DST: variants seen among roughly 807,000 people sequenced by gnomAD.
The protein encoded by DST is dystonin.
DST carries 253 observed loss-of-function variants against 875.2 expected under a neutral mutation model. That is an observed-to-expected ratio of 0.29 (90% CI 0.26 to 0.32). The LOEUF (loss-of-function observed/expected upper bound fraction) is 0.32. Among genes scored for constraint, DST ranks in the 10% least tolerant of loss-of-function variants. The pLI is 1.00. For missense variants in DST, 8,287 were observed against 9,111.6 expected, an observed-to-expected ratio of 0.91 and a Z score of 3.68; for synonymous variants, 3,124 against 3,197.1, an observed-to-expected ratio of 0.98 and a Z score of 0.77.
At chr6:56,808,119 C>T (rs918678292) in intron 4 of DST, among the ~76,000 whole-genome samples, 1 of 152,098 alleles carries the variant, frequency 6.6e-6, no homozygotes, top group East Asian at 1.9e-4. Flanking sequence ...GGGTGAGTCT[C>T]CCTGGGCTAA....
At chr6:56,465,367 T>C (rs928888708) in intron 99 of DST, among the ~76,000 whole-genome samples, 1 of 152,216 alleles carries the variant, frequency 6.6e-6, no homozygotes, top group African/African-American at 2.4e-5. Flanking sequence ...TTATTGTTTT[T>C]TTCTTGGGGG....
rs528372361 is a variant in DST, at chr6:56,620,660, C to A, written c.4929+3870G>T. 3.7e-6 allele frequency: 6 copies of A among 1,614,008 alleles called. No individual in the cohort carries two copies. In the African/African-American group the frequency reaches 5.3e-5, roughly 14 times the overall value. ...ATTCTCAAGCACTGTTGCCTTCTGA[C>A]GCTGAAGCAGATCTGAATATGCCCC... On this transcript the variant is annotated intron_variant, in intron 36 of 103. Transcript: ENST00000680361.
At chr6:56,574,417 T>TAC (rs1345006713) in intron 50 of DST, among the ~76,000 whole-genome samples, 2 of 152,186 alleles carry the variant, frequency 1.3e-5, no homozygotes, top group African/African-American at 4.8e-5. Context: ...GCTTTTGTCA[T>TAC]ACTTCACAAC....
chr6:56,461,021 AT>A (rs2094303017), intron 102 of DST: 3 of 152,230 alleles, frequency 2.0e-5, no homozygotes, highest in Admixed American at 6.5e-5. Context: ...GTTAAAAAAA[AT>A]AAACAAGTAT....
At chr6:56,472,377 G>A (rs2094940086) in intron 93 of DST, among the ~76,000 whole-genome samples, 155 bp from the exon 94 acceptor site, 1 of 152,108 alleles carries the variant, frequency 6.6e-6, no homozygotes, top group African/African-American at 2.4e-5. Flanking sequence ...TAATGTCAAG[G>A]CCCAAATCTG....
intron 53 of DST, among the ~76,000 whole-genome samples, chr6:56,570,488 A>G (rs527385387): frequency 5.4e-4 from 82 of 152,210 alleles, no homozygotes; most frequent in Non-Finnish European, 9.4e-4. Flanking sequence ...TGCAGTTCAC[A>G]ATAGGGTTCC....
chr6:56,605,920 G>A lies in DST; in HGVS notation c.8708C>T (p.Ala2903Val). The part of the protein sequence containing the change: ...SNLPEYTTEI[A>V]GKSKENLLNH... Reference sequence around the variant, plus strand: ...CAACAGATTTTCTTTGCTTTTTCCAGCAATCTCAGTTGTATATTCTGGAAG... The same window carrying A: ...CAACAGATTTTCTTTGCTTTTTCCAACAATCTCAGTTGTATATTCTGGAAG... The change falls in exon 40 of 104, where the codon GCT becomes GTT. Residue 2903 changes from alanine (A) to valine (V), a missense_variant. Coordinates refer to ENST00000680361, the MANE Select transcript of DST (RefSeq NM_001374736.1). 6.2e-7 allele frequency: 1 copy of A among 1,612,636 alleles called. No homozygotes were observed. Among genetic ancestry groups the A allele is most frequent in the East Asian group, 2.2e-5 (1 of 44,838 alleles).
At chr6:56,589,549 A>T (rs1392100408) in intron 49 of DST, among the ~76,000 whole-genome samples, 1 of 152,202 alleles carries the variant, frequency 6.6e-6, no homozygotes, top group Non-Finnish European at 1.5e-5. Context: ...CATTTGTACA[A>T]TTCATAAAAG....
At chr6:56,620,348 G>C (rs1296673109) in intron 36 of DST, 1 of 1,614,134 alleles carries the variant, frequency 6.2e-7, no homozygotes, top group South Asian at 1.1e-5. Flanking sequence ...TTCCACGGCA[G>C]CTCTTTTAGC....
intron 3 of DST, among the ~76,000 whole-genome samples, chr6:56,892,285 C>G (rs1438016099): frequency 6.6e-6 from 1 of 151,908 alleles, no homozygotes; most frequent in African/African-American, 2.4e-5. Flanking sequence ...ACTCCACTTC[C>G]CGGACCCAGC....
At chr6:56,497,356 G>A (rs375155736) in intron 82 of DST, 23 bp downstream of exon 82, 21 of 1,608,054 alleles carry the variant, frequency 1.3e-5, no homozygotes, top group Non-Finnish European at 1.4e-5. Flanking sequence ...TGAGGCTAAA[G>A]CTGTAGGAAA....
At chr6:56,692,743 T>C in intron 9 of DST, 1 of 1,289,716 alleles carries the variant, frequency 7.8e-7, no homozygotes, top group Middle Eastern at 2.1e-4. Context: ...TTCACTAACT[T>C]TTACTTCTGT....
intron 5 of DST, among the ~76,000 whole-genome samples, chr6:56,712,302 A>G (rs1322405332): frequency 6.6e-6 from 1 of 152,162 alleles, no homozygotes; most frequent in East Asian, 1.9e-4. Context: ...AGCAATTTTT[A>G]ACACCAGCAT....
intron 10 of DST, among the ~76,000 whole-genome samples, chr6:56,663,151 G>C (rs1472411756): frequency 2.0e-5 from 3 of 152,092 alleles, no homozygotes; most frequent in African/African-American, 4.8e-5. Flanking sequence ...AAACCATATA[G>C]ATACAATAAA....
At chr6:56,623,627 A>G (rs2098709118) in intron 36 of DST, among the ~76,000 whole-genome samples, 1 of 152,198 alleles carries the variant, frequency 6.6e-6, no homozygotes, top group African/African-American at 2.4e-5. Context: ...CAGCTCTCAT[A>G]TGGAGTTACA....
chr6:56,615,220 C>A, intron 36 of DST: 1 of 1,182,466 alleles, frequency 8.5e-7, no homozygotes. Flanking sequence ...ACACTGTGAA[C>A]TTGGAGTTCA....
chr6:56,539,503 T>C (rs1214348767), intron 61 of DST, among the ~76,000 whole-genome samples: 2 of 152,156 alleles, frequency 1.3e-5, no homozygotes, highest in Non-Finnish European at 2.9e-5. Flanking sequence ...AAAATACCTA[T>C]GAAGAGAGCC....
intron 2 of DST, among the ~76,000 whole-genome samples, chr6:56,953,388 T>A (rs558456245): frequency 6.6e-6 from 1 of 152,290 alleles, no homozygotes; most frequent in South Asian, 2.1e-4. Flanking sequence ...GAAAATGAAA[T>A]GCATATGGAT....
intron 71 of DST, 131 bp downstream of exon 71, chr6:56,517,067 T>C (rs2096608092): frequency 2.8e-6 from 2 of 710,194 alleles, no homozygotes; most frequent in African/African-American, 1.8e-5. Context: ...AAAAATGCCT[T>C]ATTTAAACTA....
Sources: allele counts gnomAD v4.1 joint callset (sites outside exome capture counted in the v4.1 genomes callset), GRCh38; gene constraint gnomAD v4.1.1; transcripts MANE v1.5; gene names NCBI Gene and HGNC (gene_info 2026-07-23, HGNC 2026-07-21).